Variants in SH3BP2 observed in about 807,000 individuals in gnomAD.
The protein encoded by SH3BP2 is SH3 domain binding protein 2, also known as SH3 domain-binding protein 2.
SH3BP2 carries 38 observed loss-of-function variants against 56.2 expected under a neutral mutation model. That is an observed-to-expected ratio of 0.68 (90% CI 0.52 to 0.89). The LOEUF (loss-of-function observed/expected upper bound fraction) is 0.89, where lower values mean the gene tolerates loss of function less well. SH3BP2 is among the 40% of genes least tolerant of loss of function. SH3BP2 has a pLI of 0.00. For synonymous variants in SH3BP2, 346 were observed against 316.7 expected, an observed-to-expected ratio of 1.09 and a Z score of -0.98; for missense variants, 748 against 762.6, an observed-to-expected ratio of 0.98 and a Z score of 0.23.
intron 1 of SH3BP2, among the ~76,000 whole-genome samples, chr4:2,794,871 C>A (rs949397033): frequency 4.6e-5 from 7 of 152,194 alleles, no homozygotes; most frequent in African/African-American, 1.4e-4. Context: ...GGCCCACAGA[C>A]GGGAAGTCCA....
chr4:2,813,869 A>C (rs1356076706), intron 1 of SH3BP2, among the ~76,000 whole-genome samples: 3 of 152,166 alleles, frequency 2.0e-5, no homozygotes, highest in Non-Finnish European at 4.4e-5. Context: ...TTAACTGTAC[A>C]TGCATGAGTG....
intron 1 of SH3BP2, among the ~76,000 whole-genome samples, chr4:2,794,954 A>G (rs1404911806): frequency 6.6e-6 from 1 of 152,098 alleles, no homozygotes; most frequent in Non-Finnish European, 1.5e-5. Context: ...CTCAGCCAGG[A>G]TCTTGGGTGT....
At chr4:2,822,251 G>T (rs1394372288) in intron 2 of SH3BP2, among the ~76,000 whole-genome samples, 1 of 152,142 alleles carries the variant, frequency 6.6e-6, no homozygotes, top group South Asian at 2.1e-4. Flanking sequence ...GACCTCCTGG[G>T]CTCAAATGAT....
Position 2,798,369 on chromosome 4 carries a change from C to T in SH3BP2, c.-5+5231C>T, listed in dbSNP as rs141620114. Reference sequence around the variant, plus strand: ...CCTGAGGCAAGTCCAAGCAAAAGGCCGGATTTCTCACCATTAGGAGGGCAA... The same window carrying T: ...CCTGAGGCAAGTCCAAGCAAAAGGCTGGATTTCTCACCATTAGGAGGGCAA... On this transcript the variant is annotated intron_variant, in intron 1 of 12. Transcript: ENST00000503393. 1.1e-3 allele frequency among the ~76,000 whole-genome samples: 169 copies of T among 152,306 alleles called. 1 individual carries two copies. The highest frequency in any genetic ancestry group is 3.3e-3 in the African/African-American group (139 of 41,562).
At chr4:2,803,141 C>T (rs111634253) in intron 1 of SH3BP2, among the ~76,000 whole-genome samples, 8,510 of 152,274 alleles carry the variant, frequency 0.056, 305 homozygotes, top group South Asian at 0.11. Context: ...GCAGGGCTCT[C>T]AGGCCACTTA....
Position 2,833,028 on chromosome 4 carries a change from G to A in SH3BP2, c.1527G>A (p.Arg509=). The change falls in exon 12 of 13, where the codon AGG becomes AGA. Residue 509 remains arginine, a synonymous_variant. Coordinates refer to ENST00000503393, the MANE Select transcript of SH3BP2 (RefSeq NM_001122681.2). ...VVWDETSNKV[R]NYRIFEKDSK... ...GGGACGAAACCTCTAACAAAGTGAG[G>A]AACTATCGCATTTTTGAGAAGGTGA... The A allele has an allele frequency of 6.2e-7, 1 of 1,614,216 alleles. No homozygotes were observed. The highest frequency in any genetic ancestry group is 8.5e-7 in the Non-Finnish European group (1 of 1,180,036).
intron 2 of SH3BP2, among the ~76,000 whole-genome samples, chr4:2,822,361 C>T (rs1157706206): frequency 6.6e-6 from 1 of 152,078 alleles, no homozygotes; most frequent in African/African-American, 2.4e-5. Flanking sequence ...TCACATGTTG[C>T]TCAGGCTCAC....
Position 2,831,782 on chromosome 4 carries a change from A to T in SH3BP2, c.1350+103A>T, listed in dbSNP as rs1341446989. ...CCCTCACAGACCGTCCTGAGCAAGG[A>T]CCCCCCGAGAACCCGGGAGCCTAGG... is the stretch of plus-strand genomic sequence containing the variant. On this transcript the variant is annotated intron_variant, in intron 9 of 12. Transcript: ENST00000503393. The surrounding 1 kb of genome is among the most constrained non-coding windows in gnomAD (Gnocchi z 4.1). 1.5e-6 allele frequency: 2 copies of T among 1,341,904 alleles called. No homozygotes were observed. Among genetic ancestry groups the T allele is most frequent in the African/African-American group, 2.9e-5 (2 of 68,704 alleles). 83.1% of individuals were successfully genotyped at this position (1,341,904 alleles called of 1,614,324 possible). A position where few individuals can be genotyped will look rare whatever the true frequency, so the allele number is the denominator to read the frequency against.
At chr4:2,832,087 G>T in intron 10 of SH3BP2, 109 bp downstream of exon 10, 1 of 1,203,034 alleles carries the variant, frequency 8.3e-7, no homozygotes. Flanking sequence ...CAAGTTCATG[G>T]CCCTGCGTGC....
At chr4:2,801,790 A>G (rs1723292092) in intron 1 of SH3BP2, among the ~76,000 whole-genome samples, 1 of 152,242 alleles carries the variant, frequency 6.6e-6, no homozygotes, top group African/African-American at 2.4e-5. Flanking sequence ...AACATCCGGG[A>G]AAAAAACCCA....
rs1159835655 is a variant in SH3BP2, at chr4:2,839,433, G to A, written c.*5599G>A. 1.3e-5 allele frequency: 2 copies of A among 152,122 alleles called. No individual in the cohort carries two copies. Among genetic ancestry groups the A allele is most frequent in the Non-Finnish European group, 2.9e-5 (2 of 68,026 alleles). 9.4% of individuals were successfully genotyped at this position (152,122 alleles called of 1,614,324 possible). A position where few individuals can be genotyped will look rare whatever the true frequency, so the allele number is the denominator to read the frequency against. ...GATCTGCTGGCCTCAGCCTCCCAAA[G>A]TTGGGATTATAGGCGTGAGCTACCA... On this transcript the variant is annotated 3_prime_UTR_variant, in exon 13 of 13. Transcript: ENST00000503393.
chr4:2,830,555 G>C (rs907734710), intron 8 of SH3BP2, among the ~76,000 whole-genome samples: 1 of 152,188 alleles, frequency 6.6e-6, no homozygotes, highest in East Asian at 1.9e-4. Context: ...AGAGACAGGG[G>C]TTTCACTATG....
intron 5 of SH3BP2, among the ~76,000 whole-genome samples, chr4:2,825,487 C>G (rs535700795): frequency 1.3e-5 from 2 of 152,066 alleles, no homozygotes; most frequent in Non-Finnish European, 2.9e-5. Context: ...CGCACACACA[C>G]AGAGCAACAC....
intron 1 of SH3BP2, among the ~76,000 whole-genome samples, chr4:2,816,261 G>C (rs1451594722): frequency 6.6e-6 from 1 of 152,034 alleles, no homozygotes; most frequent in Non-Finnish European, 1.5e-5. Flanking sequence ...CGCTGGTCTC[G>C]AACTCCTGAC....
intron 1 of SH3BP2, among the ~76,000 whole-genome samples, chr4:2,801,651 G>A (rs1007091464): frequency 8.5e-5 from 13 of 152,208 alleles, no homozygotes; most frequent in Non-Finnish European, 1.5e-4. Flanking sequence ...GAGGAAGCCA[G>A]CGCAAGGACA....
In SH3BP2 at chr4:2,817,869, G is replaced by A. The variant is rs984993953; in HGVS notation, c.-4-2745G>A. On this transcript the variant is annotated intron_variant, in intron 1 of 12. Coordinates refer to ENST00000503393, the MANE Select transcript of SH3BP2 (RefSeq NM_001122681.2). ...CCGAGGGAGCTGGTTGCAAGGGCCC[G>A]GCGGGATGGGACCTGGGCGGGGCCT... The A allele has an allele frequency of 3.3e-5, 5 of 152,436 alleles. No homozygotes were observed. The South Asian group carries it at 8.3e-4, about 25-fold the overall frequency. The allele number at this position is 152,436 out of a possible 1,614,324, so 9.4% of individuals were successfully genotyped here. A position where few individuals can be genotyped will look rare whatever the true frequency, so the allele number is the denominator to read the frequency against.
chr4:2,807,459 C>T (rs1332924122), intron 1 of SH3BP2, among the ~76,000 whole-genome samples: 1 of 152,098 alleles, frequency 6.6e-6, no homozygotes, highest in African/African-American at 2.4e-5. Context: ...GGACTTGGAC[C>T]CGTGGGGAGT....
At chr4:2,796,408 G>T (rs1022775444) in intron 1 of SH3BP2, 3 of 985,360 alleles carry the variant, frequency 3.0e-6, no homozygotes, top group Non-Finnish European at 3.6e-6. Context: ...GAGTGGTCAG[G>T]CCCTGCTTGG....
At chr4:2,820,130 G>A (rs940492152) in intron 1 of SH3BP2, among the ~76,000 whole-genome samples, 3 of 152,216 alleles carry the variant, frequency 2.0e-5, no homozygotes, top group African/African-American at 7.2e-5. Context: ...GTCACACCAG[G>A]ATGGGAGCCC....
Sources: allele counts gnomAD v4.1 joint callset (sites outside exome capture counted in the v4.1 genomes callset), GRCh38; gene constraint gnomAD v4.1.1; non-coding constraint Gnocchi (gnomAD v3.1); transcripts MANE v1.5; gene names NCBI Gene and HGNC (gene_info 2026-07-23, HGNC 2026-07-21).